The following TGFBR3 variants were observed in gnomAD, a reference collection of about 807,000 sequenced individuals.
The protein encoded by TGFBR3 is transforming growth factor beta receptor type 3.
In TGFBR3, 46 loss-of-function variants were observed where a neutral mutation model predicts 87.9. That is an observed-to-expected ratio of 0.52 (90% CI 0.41 to 0.67). TGFBR3 has a LOEUF of 0.67. Among genes scored for constraint, TGFBR3 ranks in the 30% least tolerant of loss-of-function variants. The pLI is 0.00. For missense variants in TGFBR3, 866 were observed against 1,041.9 expected (o/e 0.83, Z 2.32); for synonymous variants, 381 against 391.6 (o/e 0.97, Z 0.32).
At chr1:91,804,351 T>C (rs986431575) in intron 2 of TGFBR3, among the ~76,000 whole-genome samples, 1 of 152,178 alleles carries the variant, frequency 6.6e-6, no homozygotes, top group Admixed American at 6.5e-5. Flanking sequence ...TCTCTCCAGG[T>C]GGCAGGACAA....
At chr1:91,720,302 A>C in intron 8 of TGFBR3, 72 bp from the exon 9 acceptor site, 1 of 1,408,492 alleles carries the variant, frequency 7.1e-7, no homozygotes, top group Non-Finnish European at 9.7e-7. Flanking sequence ...TACAGGCAGA[A>C]CAGGAGGAAT....
chr1:91,688,233 A>G (rs543747582), intron 16 of TGFBR3, among the ~76,000 whole-genome samples: 47 of 152,166 alleles, frequency 3.1e-4, no homozygotes, highest in Non-Finnish European at 5.6e-4. Flanking sequence ...AGTGTGGCCA[A>G]CCTGTTTGTA....
chr1:91,834,325 A>C (rs990712164), intron 2 of TGFBR3, among the ~76,000 whole-genome samples: 1 of 152,230 alleles, frequency 6.6e-6, no homozygotes, highest in Non-Finnish European at 1.5e-5. Flanking sequence ...GACAAAAGAT[A>C]CTTTTCTCTT....
chr1:91,858,589 G>A (rs914801872), intron 2 of TGFBR3, among the ~76,000 whole-genome samples: 2 of 135,456 alleles, frequency 1.5e-5, no homozygotes, highest in East Asian at 2.2e-4. Context: ...CACTGTAGCC[G>A]GGGCGAGTGA....
intron 3 of TGFBR3, among the ~76,000 whole-genome samples, chr1:91,776,418 G>A (rs1674568211): frequency 6.6e-6 from 1 of 152,242 alleles, no homozygotes; most frequent in African/African-American, 2.4e-5. Context: ...CAGAGTGCAT[G>A]TCAACTCCAT....
chr1:91,857,622 T>A (rs572355495), intron 2 of TGFBR3, among the ~76,000 whole-genome samples: 71 of 152,182 alleles, frequency 4.7e-4, no homozygotes, highest in Non-Finnish European at 8.5e-4. Flanking sequence ...TAAGCCTAAA[T>A]AAAGTACAAG....
At chr1:91,725,990 T>A (rs1672535432) in intron 7 of TGFBR3, among the ~76,000 whole-genome samples, 1 of 152,088 alleles carries the variant, frequency 6.6e-6, no homozygotes, top group African/African-American at 2.4e-5. Flanking sequence ...GTTGGGAGAA[T>A]AAAAAAGAAC....
At chr1:91,896,500 T>C (rs1287295423) in intron 2 of TGFBR3, among the ~76,000 whole-genome samples, 3 of 152,116 alleles carry the variant, frequency 2.0e-5, no homozygotes, top group African/African-American at 7.2e-5. Context: ...GGAGCAAGTA[T>C]GTGGTGTAAA....
intron 3 of TGFBR3, among the ~76,000 whole-genome samples, chr1:91,784,435 G>C (rs1390989044): frequency 6.6e-6 from 1 of 152,194 alleles, no homozygotes; most frequent in Non-Finnish European, 1.5e-5. Context: ...CTGCCCGAAA[G>C]CAGTCCACTC....
intron 2 of TGFBR3, among the ~76,000 whole-genome samples, chr1:91,855,736 A>G (rs1439340654): frequency 1.3e-5 from 2 of 152,318 alleles, no homozygotes; most frequent in East Asian, 3.9e-4. Context: ...CGAGTTTTTA[A>G]AGCAAAACTT....
chr1:91,772,729 G>T (rs1674426747), intron 3 of TGFBR3, among the ~76,000 whole-genome samples: 1 of 152,162 alleles, frequency 6.6e-6, no homozygotes, highest in African/African-American at 2.4e-5. Context: ...TCTCTAAGGT[G>T]AAAACAAGTT....
At position 91,712,392 on chromosome 1, in the gene TGFBR3, T is replaced by C. The variant is rs1672015793; in HGVS notation, c.2017A>G (p.Arg673Gly). ...DESVKFYSPK[R>G]VHFPIPQADM... is the part of the protein sequence containing the mutation. ...GCTTGCGGGATAGGAAAGTGCACTC[T>C]CTTGGGACTGTAGAATTTCACAGAT... is the stretch of plus-strand genomic sequence containing the variant. The change falls in exon 13 of 17, where the codon AGA becomes GGA. Residue 673 changes from arginine (R) to glycine (G), a missense_variant. Physicochemically the swap from Arg to Gly is moderately radical, Grantham distance 125 (BLOSUM62 -2). Coordinates refer to ENST00000212355, the MANE Select transcript of TGFBR3 (RefSeq NM_003243.5). 3.1e-6 allele frequency: 5 copies of C among 1,614,238 alleles called. 1 individual carries two copies. The highest frequency in any genetic ancestry group is 1.7e-6 in the Non-Finnish European group (2 of 1,180,042).
At chr1:91,735,324 G>A (rs1472125614) in intron 4 of TGFBR3, among the ~76,000 whole-genome samples, 2 of 152,176 alleles carry the variant, frequency 1.3e-5, no homozygotes, top group East Asian at 1.9e-4. Context: ...GAATGTTCTC[G>A]TGGGCTTATA....
At chr1:91,901,781 C>T (rs1412453612) in intron 1 of TGFBR3, among the ~76,000 whole-genome samples, 1 of 151,218 alleles carries the variant, frequency 6.6e-6, no homozygotes, top group African/African-American at 2.4e-5. Context: ...GACATGGTAG[C>T]ATATACCTCT....
At chr1:91,855,053 T>G (rs1040049604) in intron 2 of TGFBR3, among the ~76,000 whole-genome samples, 1 of 152,210 alleles carries the variant, frequency 6.6e-6, no homozygotes. Context: ...CCAGCTGGTA[T>G]CTCAGCTTGC....
chr1:91,749,957 C>A (rs554180689), intron 4 of TGFBR3, among the ~76,000 whole-genome samples: 5 of 152,226 alleles, frequency 3.3e-5, no homozygotes, highest in Non-Finnish European at 7.3e-5. Context: ...AGGGCAGATG[C>A]ATCTGATTAC....
intron 13 of TGFBR3, among the ~76,000 whole-genome samples, chr1:91,710,517 T>C (rs1186687419): frequency 6.6e-6 from 1 of 152,138 alleles, no homozygotes; most frequent in Non-Finnish European, 1.5e-5. Flanking sequence ...AAGGGCAGGG[T>C]TGGTCTCAAC....
At chr1:91,807,561 G>A (rs1675880325) in intron 2 of TGFBR3, among the ~76,000 whole-genome samples, 1 of 152,214 alleles carries the variant, frequency 6.6e-6, no homozygotes, top group Non-Finnish European at 1.5e-5. Flanking sequence ...GAAACAAAGG[G>A]CACAGGTTCT....
Position 91,714,549 on chromosome 1 carries a change from G to GA in TGFBR3, c.1866+1686dup, listed in dbSNP as rs573911951. On this transcript the variant is annotated intron_variant, in intron 12 of 16. Transcript: ENST00000212355. ...AGGTATAAATGGGAAAACAAGAATG[G>GA]AAAAAAAAAACTACCAATAACACAC... Among the ~76,000 whole-genome samples, 1,429 of 147,594 alleles carry GA rather than the reference G, an allele frequency of 9.7e-3. 28 individuals are homozygous for GA. Among genetic ancestry groups the GA allele is most frequent in the African/African-American group, 0.033 (1,339 of 40,438 alleles).
Sources: gnomAD v4.1 joint callset for allele counts (sites outside exome capture counted in the v4.1 genomes callset) on GRCh38, gnomAD v4.1.1 for gene constraint, MANE v1.5 for transcripts, NCBI Gene and HGNC (gene_info 2026-07-23, HGNC 2026-07-21) for gene names.